DOCK4: variants seen among roughly 807,000 people sequenced by gnomAD.
DOCK4 encodes dedicator of cytokinesis 4.
Under a neutral mutation model 268.1 loss-of-function variants are expected in DOCK4, and 97 were observed. The ratio of observed to expected loss-of-function variants is 0.36; its 90% CI spans 0.31 to 0.43. The LOEUF (loss-of-function observed/expected upper bound fraction) is 0.43. DOCK4 is among the 20% of genes least tolerant of loss of function. The pLI is 1.00. For missense variants in DOCK4, 2,145 were observed against 2,455.7 expected (o/e 0.87, Z 2.67); for synonymous variants, 954 against 887.2 (o/e 1.08, Z -1.34).
intron 1 of DOCK4, among the ~76,000 whole-genome samples, chr7:112,073,319 A>G (rs1313856396): frequency 2.0e-5 from 3 of 152,092 alleles, no homozygotes; most frequent in African/African-American, 4.8e-5. Flanking sequence ...AAATCAGTAT[A>G]TCAAAGGAAT....
At chr7:112,097,299 C>T (rs76900850) in intron 1 of DOCK4, among the ~76,000 whole-genome samples, 1 of 152,142 alleles carries the variant, frequency 6.6e-6, no homozygotes, top group Non-Finnish European at 1.5e-5. Context: ...GTTGGCAGGG[C>T]GTCATGGCTC....
chr7:111,794,644 A>G (rs746798068), intron 30 of DOCK4, among the ~76,000 whole-genome samples: 2 of 152,182 alleles, frequency 1.3e-5, no homozygotes, highest in Non-Finnish European at 2.9e-5. Flanking sequence ...AGCATTCCCT[A>G]TGGCAGGCAC....
At chr7:111,890,994 C>G (rs1049122366) in intron 16 of DOCK4, among the ~76,000 whole-genome samples, 9 of 152,040 alleles carry the variant, frequency 5.9e-5, no homozygotes, top group African/African-American at 2.2e-4. Context: ...GCAGTACCTG[C>G]CAATGAATGA....
At chr7:111,837,102 C>T (rs1027956348) in intron 25 of DOCK4, among the ~76,000 whole-genome samples, 3 of 151,712 alleles carry the variant, frequency 2.0e-5, no homozygotes, top group African/African-American at 4.8e-5. Context: ...TGCTTATAGC[C>T]AGTGGTAGAG....
In DOCK4 at chr7:111,767,059, A is replaced by G; in HGVS notation, c.3888T>C (p.Tyr1296=). 2 of 1,613,740 alleles carry G rather than the reference A, an allele frequency of 1.2e-6. No homozygotes were observed. ...RKIAEQYESY[Y]DYRNLSKMRM... The stretch of plus-strand genomic sequence containing the variant: ...GCATCTTGCTCAGGTTTCTGTAGTC[A>G]TAATAACTCTCATACTGCTCTGCAA... Residue 1296 remains tyrosine (Y), a synonymous_variant, in exon 38 of 53, where the codon TAT becomes TAC. Transcript: ENST00000428084.
intron 1 of DOCK4, among the ~76,000 whole-genome samples, chr7:112,152,211 T>C (rs900711056): frequency 3.9e-5 from 6 of 152,080 alleles, no homozygotes; most frequent in African/African-American, 1.4e-4. Flanking sequence ...GCTCAGAAAA[T>C]GGACAATAAG....
At chr7:112,137,824 C>T (rs528268938) in intron 1 of DOCK4, among the ~76,000 whole-genome samples, 19 of 152,262 alleles carry the variant, frequency 1.2e-4, no homozygotes, top group Non-Finnish European at 2.2e-4. Flanking sequence ...CTGACTCACA[C>T]CTCTTTATAA....
At chr7:111,760,807 CTTCAG>C (rs1419214214) in intron 39 of DOCK4, among the ~76,000 whole-genome samples, 1 of 141,476 alleles carries the variant, frequency 7.1e-6, no homozygotes, top group Non-Finnish European at 1.5e-5. Context: ...TGATGCTCTC[CTTCAG>C]TTAAGAATGG....
At chr7:111,899,125 G>T (rs924634494) in intron 15 of DOCK4, among the ~76,000 whole-genome samples, 3 of 152,158 alleles carry the variant, frequency 2.0e-5, no homozygotes, top group Admixed American at 6.5e-5. Flanking sequence ...GACCCTGCTA[G>T]CTCTCTTCCT....
At chr7:111,732,422 G>A (rs1013525001) in intron 51 of DOCK4, 135 bp from the exon 52 acceptor site, 105 of 815,396 alleles carry the variant, frequency 1.3e-4, no homozygotes, top group Non-Finnish European at 1.9e-4. Context: ...GGGTGGTGAG[G>A]ATGGGGGAGA....
At chr7:112,020,282 T>C (rs1002208570) in intron 1 of DOCK4, among the ~76,000 whole-genome samples, 3 of 152,190 alleles carry the variant, frequency 2.0e-5, no homozygotes, top group Admixed American at 1.3e-4. Flanking sequence ...CAAAATCTAG[T>C]TGGGTCCTGC....
intron 8 of DOCK4, among the ~76,000 whole-genome samples, chr7:111,960,288 C>T (rs1425052586): frequency 1.3e-5 from 2 of 150,576 alleles, no homozygotes; most frequent in South Asian, 2.1e-4. Flanking sequence ...CGCTTGAACC[C>T]GGGAGGCAGA....
At chr7:111,813,107 G>GCTA (rs1452573788) in intron 27 of DOCK4, among the ~76,000 whole-genome samples, 4 of 152,128 alleles carry the variant, frequency 2.6e-5, no homozygotes, top group Non-Finnish European at 4.4e-5. Flanking sequence ...CACCCCTTGA[G>GCTA]CTACTATAAA....
intron 1 of DOCK4, among the ~76,000 whole-genome samples, chr7:112,075,585 G>C (rs373831762): frequency 1.7e-3 from 264 of 152,186 alleles, no homozygotes; most frequent in African/African-American, 6.2e-3. Flanking sequence ...CAAATTTTGG[G>C]CCATACTCAT....
At chr7:111,733,561 C>A (rs189581276) in intron 51 of DOCK4, among the ~76,000 whole-genome samples, 1 of 152,280 alleles carries the variant, frequency 6.6e-6, no homozygotes, top group East Asian at 1.9e-4. Context: ...CCTGCCTTAA[C>A]GGTGGTAGAA....
chr7:111,732,266 G>A lies in DOCK4; in HGVS notation c.5441C>T (p.Thr1814Ile). 1 of 1,614,032 alleles carries A rather than the reference G, an allele frequency of 6.2e-7. No individual in the cohort carries two copies. Among genetic ancestry groups the A allele is most frequent in the Non-Finnish European group, 8.5e-7 (1 of 1,179,892 alleles). ...CCCGGCAGGCGAGGGGGATACTGAT[G>A]TCGTGTGTCTTGCTGGTGAAGCTGT... The part of the protein sequence containing the change: ...TQTASPARHT[T>I]SVSPSPAGRS... Residue 1814 changes from threonine (T) to isoleucine (I), a missense_variant, in exon 52 of 53, where the codon ACA becomes ATA. By Grantham distance (89) the Thr-to-Ile change is moderately conservative. Transcript: ENST00000428084.
At chr7:112,069,742 A>G (rs1402723788) in intron 1 of DOCK4, among the ~76,000 whole-genome samples, 2 of 152,234 alleles carry the variant, frequency 1.3e-5, no homozygotes, top group Non-Finnish European at 2.9e-5. Context: ...ACTCAGCGGT[A>G]GAAAATAGAA....
At position 111,842,398 on chromosome 7, in the gene DOCK4, C is replaced by G. The variant is rs139030065; in HGVS notation, c.2736+2365G>C. ...CTCCAGCCAAAGGACTAGGAAAGGGCAGCCCTGCAGGGCAATGCTTTTAGC... is the reference window on the plus strand; with the variant it reads ...CTCCAGCCAAAGGACTAGGAAAGGGGAGCCCTGCAGGGCAATGCTTTTAGC... On this transcript the variant is annotated intron_variant, in intron 25 of 52. Transcript: ENST00000428084. Among the ~76,000 whole-genome samples the G allele has an allele frequency of 2.7e-4, 41 of 152,346 alleles. No individual in the cohort carries two copies. The East Asian group carries it at 7.9e-3, about 29-fold the overall frequency.
intron 30 of DOCK4, among the ~76,000 whole-genome samples, chr7:111,799,914 C>A (rs1456354884): frequency 1.3e-5 from 2 of 152,122 alleles, no homozygotes; most frequent in African/African-American, 4.8e-5. Context: ...CTACTAATTG[C>A]AATAAAACTA....
Sources: allele counts gnomAD v4.1 joint callset (sites outside exome capture counted in the v4.1 genomes callset), GRCh38; gene constraint gnomAD v4.1.1; transcripts MANE v1.5; gene names NCBI Gene and HGNC (gene_info 2026-07-23, HGNC 2026-07-21).